The following PDE3A variants were observed in gnomAD, a reference collection of about 807,000 sequenced individuals.
PDE3A encodes phosphodiesterase 3A, also known as cGMP-inhibited 3',5'-cyclic phosphodiesterase 3A.
PDE3A carries 43 observed loss-of-function variants against 98.3 expected under a neutral mutation model. The observed-to-expected ratio is 0.44, with a 90% CI of 0.34 to 0.56. The LOEUF (loss-of-function observed/expected upper bound fraction) is 0.56. Among genes scored for constraint, PDE3A ranks in the 20% least tolerant of loss-of-function variants. PDE3A has a pLI of 0.01. For synonymous variants in PDE3A, 663 were observed against 567.9 expected (o/e 1.17, Z -2.38); for missense variants, 1,427 against 1,440.7 (o/e 0.99, Z 0.15).
intron 1 of PDE3A, among the ~76,000 whole-genome samples, chr12:20,432,115 A>C (rs2120805724): frequency 6.6e-6 from 1 of 152,324 alleles, no homozygotes; most frequent in Non-Finnish European, 1.5e-5. Flanking sequence ...AAAGGCCCTA[A>C]GGTGGTTAAA....
At chr12:20,500,402 G>T (rs1048272662) in intron 1 of PDE3A, among the ~76,000 whole-genome samples, 1 of 152,046 alleles carries the variant, frequency 6.6e-6, no homozygotes, top group Non-Finnish European at 1.5e-5. Context: ...AGCATTTTGT[G>T]TACATTGTTA....
intron 1 of PDE3A, among the ~76,000 whole-genome samples, chr12:20,494,121 G>C (rs1036527118): frequency 2.6e-5 from 4 of 152,180 alleles, no homozygotes; most frequent in African/African-American, 9.7e-5. Context: ...TGTGTATTTT[G>C]AGTCATCTAG....
chr12:20,452,515 T>G (rs1361319765), intron 1 of PDE3A, among the ~76,000 whole-genome samples: 2 of 152,216 alleles, frequency 1.3e-5, no homozygotes, highest in Non-Finnish European at 2.9e-5. Flanking sequence ...CTTGTTTTCT[T>G]TACTCATTGG....
chr12:20,444,645 A>G (rs950557174), intron 1 of PDE3A, among the ~76,000 whole-genome samples: 2 of 152,088 alleles, frequency 1.3e-5, no homozygotes, highest in South Asian at 2.1e-4. Context: ...TTTGAAATTA[A>G]AGAAATAAAA....
intron 2 of PDE3A, among the ~76,000 whole-genome samples, chr12:20,566,800 T>TTTG (rs1565591150): frequency 1.3e-5 from 2 of 151,906 alleles, no homozygotes; most frequent in African/African-American, 4.8e-5. Context: ...TGAATTTTTT[T>TTTG]TTTGTTTGTT....
At chr12:20,491,060 A>C (rs1945817154) in intron 1 of PDE3A, among the ~76,000 whole-genome samples, 1 of 152,188 alleles carries the variant, frequency 6.6e-6, no homozygotes, top group Non-Finnish European at 1.5e-5. Flanking sequence ...TAGCCTGGGA[A>C]ACAGAGTGAG....
At position 20,488,346 on chromosome 12, in the gene PDE3A, G is replaced by A. The variant is rs149801622; in HGVS notation, c.961-68314G>A. Among the ~76,000 whole-genome samples the A allele has an allele frequency of 4.2e-3, 641 of 151,996 alleles. 3 individuals carry two copies. The highest frequency in any genetic ancestry group is 7.5e-3 in the Non-Finnish European group (508 of 67,964). ...GCATATGACAGTGTTGTTCAGTGTT[G>A]GTGAACAGGAATTCTTGATATTTAT... On this transcript the variant is annotated intron_variant, in intron 1 of 15. Transcript: ENST00000359062.
Position 20,369,594 on chromosome 12 carries a change from G to A in PDE3A, c.310G>A (p.Ala104Thr), listed in dbSNP as rs757422402. Residue 104 changes from alanine (A) to threonine (T), a missense_variant, in exon 1 of 16, where the codon GCC becomes ACC. By Grantham distance (58) the Ala-to-Thr change is moderately conservative. Coordinates refer to ENST00000359062, the MANE Select transcript of PDE3A (RefSeq NM_000921.5). ...GGCGGCGGCGGAGGAGGAGGAAGCAGCCCCGGGAGCAGAAGGGGGCGTCTT... is the reference window on the plus strand; with the variant it reads ...GGCGGCGGCGGAGGAGGAGGAAGCAACCCCGGGAGCAGAAGGGGGCGTCTT... The part of the protein sequence containing the change: ...EAAAAEEEEA[A>T]PGAEGGVFPG... The A allele has an allele frequency of 1.3e-6, 2 of 1,562,568 alleles. No homozygotes were observed. Among genetic ancestry groups the A allele is most frequent in the Non-Finnish European group, 1.7e-6 (2 of 1,154,686 alleles).
rs145968496 is a variant in PDE3A at position 20,435,174 on chromosome 12, A to G, written c.960+64930A>G. 2.7e-3 allele frequency among the ~76,000 whole-genome samples: 407 copies of G among 152,310 alleles called. 2 individuals are homozygous for G. Among genetic ancestry groups the G allele is most frequent in the African/African-American group, 9.4e-3 (390 of 41,564 alleles). On this transcript the variant is annotated intron_variant, in intron 1 of 15. Coordinates refer to ENST00000359062, the MANE Select transcript of PDE3A (RefSeq NM_000921.5). ...TACTTCCCATTTCTCACTCTGTCAT[A>G]GGGAATCCCCACTGCATTCCTTGTT...
rs556346756 is a variant in PDE3A, at chr12:20,529,703, G to T, written c.961-26957G>T. Among the ~76,000 whole-genome samples the T allele has an allele frequency of 5.9e-4, 90 of 152,248 alleles. 1 individual carries two copies. The highest frequency in any genetic ancestry group is 2.1e-3 in the African/African-American group (88 of 41,548). On this transcript the variant is annotated intron_variant, in intron 1 of 15. Transcript: ENST00000359062. ...ATTCTTCTCTTACAGATGTGAGAGA[G>T]CATAGGCCTGTTGACATCTAGATTT...
intron 2 of PDE3A, among the ~76,000 whole-genome samples, chr12:20,585,355 G>T (rs1455773149): frequency 6.6e-6 from 1 of 152,142 alleles, no homozygotes; most frequent in Non-Finnish European, 1.5e-5. Flanking sequence ...TTGAGTTTTT[G>T]TCTCTGCCCT....
In PDE3A at chr12:20,369,551, G is replaced by A; in HGVS notation, c.267G>A (p.Leu89=). The A allele has an allele frequency of 1.3e-6, 2 of 1,559,200 alleles. No individual in the cohort carries two copies. The highest frequency in any genetic ancestry group is 2.4e-5 in the East Asian group (1 of 42,040). ...TCCGCGGGGAGGTCGGCTGTGACCTGGAGCAGTGTAAGGAGGCGGCGGCGG... is the reference window on the plus strand; with the variant it reads ...TCCGCGGGGAGGTCGGCTGTGACCTAGAGCAGTGTAAGGAGGCGGCGGCGG... ...RLVRGEVGCD[L]EQCKEAAAAE... The change falls in exon 1 of 16, where the codon CTG becomes CTA. Residue 89 remains leucine (L), a synonymous_variant. Coordinates refer to ENST00000359062, the MANE Select transcript of PDE3A (RefSeq NM_000921.5).
At chr12:20,398,297 CT>C (rs34700120) in intron 1 of PDE3A, among the ~76,000 whole-genome samples, 71 of 140,886 alleles carry the variant, frequency 5.0e-4, no homozygotes, top group South Asian at 1.1e-3. Flanking sequence ...TCTTAGTTCA[CT>C]TTTTTTTTTT....
intron 1 of PDE3A, among the ~76,000 whole-genome samples, chr12:20,464,672 GC>G (rs1945309645): frequency 6.6e-6 from 1 of 152,112 alleles, no homozygotes; most frequent in African/African-American, 2.4e-5. Flanking sequence ...AATTTCTATG[GC>G]CAGGATTGTA....
chr12:20,426,703 AAT>A (rs1290697971), intron 1 of PDE3A, among the ~76,000 whole-genome samples: 2 of 152,238 alleles, frequency 1.3e-5, no homozygotes, highest in African/African-American at 4.8e-5. Flanking sequence ...GAGTAGAATC[AAT>A]ATAATGAAAG....
intron 1 of PDE3A, among the ~76,000 whole-genome samples, chr12:20,398,846 AT>A (rs1314275475): frequency 6.6e-6 from 1 of 152,158 alleles, no homozygotes; most frequent in African/African-American, 2.4e-5. Context: ...CATGTTAACC[AT>A]TTTTAAATAT....
intron 1 of PDE3A, among the ~76,000 whole-genome samples, chr12:20,487,668 AT>A (rs1565565054): frequency 0.013 from 932 of 70,284 alleles, 14 homozygotes; most frequent in African/African-American, 0.035. Context: ...AAAAAAATAA[AT>A]AAATAAAAAA....
intron 15 of PDE3A, among the ~76,000 whole-genome samples, chr12:20,673,963 A>T (rs1188959556): frequency 2.6e-5 from 4 of 152,130 alleles, no homozygotes; most frequent in African/African-American, 4.8e-5. Context: ...TGATCATGGG[A>T]TGTCTTTGCA....
At chr12:20,645,111 G>A (rs1565460921) in intron 10 of PDE3A, among the ~76,000 whole-genome samples, 1 of 151,764 alleles carries the variant, frequency 6.6e-6, no homozygotes, top group African/African-American at 2.4e-5. Flanking sequence ...CTGAACTTGA[G>A]CTCCTGACTT....
Sources: gnomAD v4.1 joint callset for allele counts (sites outside exome capture counted in the v4.1 genomes callset) on GRCh38, gnomAD v4.1.1 for gene constraint, MANE v1.5 for transcripts, NCBI Gene and HGNC (gene_info 2026-07-23, HGNC 2026-07-21) for gene names.